SMAD9: variants seen among roughly 807,000 people sequenced by gnomAD.
SMAD9 encodes the protein SMAD family member 9.
SMAD9 carries 36 observed loss-of-function variants against 46.1 expected under a neutral mutation model. The observed-to-expected ratio is 0.78, with a 90% confidence interval of 0.60 to 1.03. The LOEUF is 1.03. Among genes scored for constraint, SMAD9 ranks in the 50% least tolerant of loss-of-function variants. SMAD9 has a pLI of 0.00. For missense variants in SMAD9, 572 were observed against 599.8 expected (o/e 0.95, Z 0.48); for synonymous variants, 245 against 237.1 (o/e 1.03, Z -0.31).
chr13:36,876,937 T>C (rs1025471106), intron 2 of SMAD9, among the ~76,000 whole-genome samples: 1 of 152,216 alleles, frequency 6.6e-6, no homozygotes, highest in Admixed American at 6.5e-5. Flanking sequence ...GTAACTTAAA[T>C]ATTACCTTAA....
At chr13:36,883,880 GT>G (rs1173432869) in intron 1 of SMAD9, among the ~76,000 whole-genome samples, 2 of 152,176 alleles carry the variant, frequency 1.3e-5, no homozygotes, top group African/African-American at 4.8e-5. Context: ...CAGATCAACT[GT>G]GTGCTCTTAG....
At chr13:36,917,998 G>C (rs1205766798) in intron 1 of SMAD9, among the ~76,000 whole-genome samples, 4 of 152,108 alleles carry the variant, frequency 2.6e-5, no homozygotes, top group African/African-American at 9.7e-5. Flanking sequence ...AGTAAAGATA[G>C]TGTACCACTT....
chr13:36,873,330 T>G lies in SMAD9; in HGVS notation c.413-415A>C, dbSNP rs534503631. ...TTTAATTCTGCCAAATAAGTCTTTT[T>G]TTCCCCCAAGGCAAAATCAGTTTCT... On this transcript the variant is annotated intron_variant, in intron 2 of 6. Transcript: ENST00000379826. 1.4e-4 allele frequency among the ~76,000 whole-genome samples: 21 copies of G among 152,308 alleles called. No homozygotes were observed. In the South Asian group the frequency reaches 4.1e-3, roughly 30 times the overall value.
chr13:36,883,072 T>C (rs2058417294), intron 1 of SMAD9, among the ~76,000 whole-genome samples: 1 of 152,220 alleles, frequency 6.6e-6, no homozygotes. Context: ...GCCTCCCTGT[T>C]TGTCTCCAGG....
intron 1 of SMAD9, among the ~76,000 whole-genome samples, chr13:36,890,564 G>T (rs1380858835): frequency 6.6e-6 from 1 of 152,120 alleles, no homozygotes; most frequent in African/African-American, 2.4e-5. Flanking sequence ...CAATACCCAG[G>T]TGGAACAGCT....
chr13:36,878,514 T>G (rs963080492), intron 2 of SMAD9, among the ~76,000 whole-genome samples: 14 of 152,202 alleles, frequency 9.2e-5, no homozygotes, highest in Non-Finnish European at 2.9e-5. Context: ...AAGAAATTAC[T>G]TACTGATGCA....
intron 1 of SMAD9, among the ~76,000 whole-genome samples, chr13:36,887,760 G>A (rs2058459213): frequency 6.6e-6 from 1 of 152,162 alleles, no homozygotes; most frequent in African/African-American, 2.4e-5. Flanking sequence ...TGTGGCAAAA[G>A]ATAGAAGTGG....
At chr13:36,851,020 T>C (rs1407908971) in intron 6 of SMAD9, among the ~76,000 whole-genome samples, 1 of 152,180 alleles carries the variant, frequency 6.6e-6, no homozygotes, top group Non-Finnish European at 1.5e-5. Context: ...TACTATAGCC[T>C]CCTAAGTGGT....
intron 6 of SMAD9, among the ~76,000 whole-genome samples, chr13:36,852,928 T>C (rs970224015): frequency 5.9e-5 from 9 of 152,246 alleles, no homozygotes; most frequent in East Asian, 1.9e-4. Context: ...AATTTTCATA[T>C]AATTGCTAAA....
At chr13:36,885,654 T>A (rs2138538966) in intron 1 of SMAD9, among the ~76,000 whole-genome samples, 1 of 151,970 alleles carries the variant, frequency 6.6e-6, no homozygotes, top group East Asian at 1.9e-4. Context: ...TGGAATACCT[T>A]TGGTCCACAG....
In SMAD9 at chr13:36,865,490, T is replaced by C. The variant is rs1254344689; in HGVS notation, c.1003+47A>G. On this transcript the variant is annotated intron_variant, in intron 5 of 6. Transcript: ENST00000379826. Reference sequence around the variant, plus strand: ...ACGTGCACTTCTACACACATGACCATCTACATTTCGGCTAGATGACTAAAG... The same window carrying C: ...ACGTGCACTTCTACACACATGACCACCTACATTTCGGCTAGATGACTAAAG... 4.0e-6 allele frequency: 6 copies of C among 1,499,338 alleles called. No individual in the cohort carries two copies. In the African/African-American group the frequency reaches 8.3e-5, roughly 21 times the overall value. The allele number at this position is 1,499,338 out of a possible 1,614,324, so 92.9% of individuals were successfully genotyped here.
chr13:36,890,749 C>T (rs1354842008), intron 1 of SMAD9, among the ~76,000 whole-genome samples: 1 of 152,022 alleles, frequency 6.6e-6, no homozygotes, highest in African/African-American at 2.4e-5. Flanking sequence ...AATGAGCTCC[C>T]CTCCAACCAC....
chr13:36,904,026 T>C (rs1299263353), intron 1 of SMAD9, among the ~76,000 whole-genome samples: 2 of 152,144 alleles, frequency 1.3e-5, no homozygotes, highest in Non-Finnish European at 2.9e-5. Flanking sequence ...TGTTAATATA[T>C]ATTATGTAAA....
chr13:36,865,586 A>G lies in SMAD9; in HGVS notation c.954T>C (p.Asn318=), dbSNP rs771214148. 1 of 1,614,104 alleles carries G rather than the reference A, an allele frequency of 6.2e-7. No homozygotes were observed. The highest frequency in any genetic ancestry group is 8.5e-7 in the Non-Finnish European group (1 of 1,179,986). ...TTTCTATCGTTGAGTTTCTGTTTAC[A>G]TTAGAAAGAAGTCCAAGACAGAATC... ...RNRFCLGLLS[N]VNRNSTIENT... The change falls in exon 5 of 7, where the codon AAT becomes AAC. Residue 318 remains asparagine, a synonymous_variant. Transcript: ENST00000379826.
chr13:36,899,873 A>C (rs1176323059), intron 1 of SMAD9, among the ~76,000 whole-genome samples: 3 of 152,198 alleles, frequency 2.0e-5, no homozygotes, highest in Non-Finnish European at 4.4e-5. Context: ...TCTATTCATA[A>C]CACCACAGCC....
chr13:36,886,044 G>A (rs753189074), intron 1 of SMAD9, among the ~76,000 whole-genome samples: 3 of 152,108 alleles, frequency 2.0e-5, no homozygotes, highest in Admixed American at 1.3e-4. Context: ...GATGGCCAAC[G>A]CATATTGACT....
chr13:36,902,085 T>C (rs1593617400), intron 1 of SMAD9, among the ~76,000 whole-genome samples: 1 of 152,234 alleles, frequency 6.6e-6, no homozygotes, highest in Non-Finnish European at 1.5e-5. Flanking sequence ...TATTTACCAA[T>C]GTTTTCTTCT....
chr13:36,912,632 A>T (rs1469361626), intron 1 of SMAD9, among the ~76,000 whole-genome samples: 3 of 152,070 alleles, frequency 2.0e-5, no homozygotes, highest in African/African-American at 7.2e-5. Context: ...ACAGGAGGAA[A>T]CTGTACAAAG....
chr13:36,894,826 T>C (rs767695953), intron 1 of SMAD9, among the ~76,000 whole-genome samples: 5 of 152,154 alleles, frequency 3.3e-5, no homozygotes, highest in East Asian at 1.9e-4. Context: ...TGACATCTCA[T>C]TGAGAAATGC....
Sources: gnomAD v4.1 joint callset for allele counts (sites outside exome capture counted in the v4.1 genomes callset) on GRCh38, gnomAD v4.1.1 for gene constraint, MANE v1.5 for transcripts, NCBI Gene and HGNC (gene_info 2026-07-23, HGNC 2026-07-21) for gene names.